Variants in SYCP1 observed in about 807,000 individuals in gnomAD.
The protein encoded by SYCP1 is cancer/testis antigen 8.
A neutral mutation model predicts 153.1 loss-of-function variants in SYCP1; 64 were observed. The observed-to-expected ratio is 0.42, with a 90% CI of 0.34 to 0.51. The LOEUF (loss-of-function observed/expected upper bound fraction) is 0.51, where lower values mean the gene tolerates loss of function less well. Among genes scored for constraint, SYCP1 ranks in the 20% least tolerant of loss-of-function variants. The pLI is 0.06. For synonymous variants in SYCP1, 384 were observed against 341.8 expected (o/e 1.12, Z -1.36); for missense variants, 997 against 1,049.0 (o/e 0.95, Z 0.68).
At chr1:114,988,705 T>C (rs1673704259) in intron 30 of SYCP1, among the ~76,000 whole-genome samples, 1 of 152,082 alleles carries the variant, frequency 6.6e-6, no homozygotes. Context: ...TGAAGCTGTA[T>C]GAATAAATAA....
intron 15 of SYCP1, among the ~76,000 whole-genome samples, chr1:114,891,810 T>A (rs1271639534): frequency 1.3e-5 from 2 of 152,220 alleles, no homozygotes; most frequent in Non-Finnish European, 2.9e-5. Flanking sequence ...TTATTCCTTA[T>A]TTAGCCTTGG....
chr1:114,884,009 T>G (rs1164157106), intron 12 of SYCP1, among the ~76,000 whole-genome samples: 2 of 152,180 alleles, frequency 1.3e-5, no homozygotes, highest in African/African-American at 2.4e-5. Flanking sequence ...CTTTTTCTAT[T>G]TTTTCCCCAC....
intron 16 of SYCP1, among the ~76,000 whole-genome samples, chr1:114,903,142 T>C (rs1667584261): frequency 6.6e-6 from 1 of 152,134 alleles, no homozygotes; most frequent in Non-Finnish European, 1.5e-5. Flanking sequence ...ATTGAACCAC[T>C]GCACTCCAGC....
chr1:114,881,817 A>G (rs1417348565), intron 12 of SYCP1, among the ~76,000 whole-genome samples: 1 of 152,130 alleles, frequency 6.6e-6, no homozygotes, highest in African/African-American at 2.4e-5. Flanking sequence ...TGTTGATTTT[A>G]AGAAGTCAGT....
At chr1:114,885,446 G>A in intron 12 of SYCP1, 89 bp from the exon 13 acceptor site, 1 of 729,462 alleles carries the variant, frequency 1.4e-6, no homozygotes, top group South Asian at 1.8e-5. Flanking sequence ...ATCTAACGGA[G>A]GAAAAAGACT....
chr1:114,917,837 A>G (rs895125372), intron 20 of SYCP1, among the ~76,000 whole-genome samples: 1 of 151,810 alleles, frequency 6.6e-6, no homozygotes, highest in Admixed American at 6.6e-5. Context: ...GGATTATTAG[A>G]CTTATTCCCA....
In SYCP1 at chr1:114,934,313, T is replaced by C. The variant is rs537876111; in HGVS notation, c.1926+7750T>C. On this transcript the variant is annotated intron_variant, in intron 23 of 31. Coordinates refer to ENST00000369522, the MANE Select transcript of SYCP1 (RefSeq NM_003176.4). Reference sequence around the variant, plus strand: ...AATTTCATATCCAGCCAAACTAAACTTCATAAGTGAAGGAGAAATAAAATC... The same window carrying C: ...AATTTCATATCCAGCCAAACTAAACCTCATAAGTGAAGGAGAAATAAAATC... Among the ~76,000 whole-genome samples, 52 of 152,212 alleles carry C rather than the reference T, an allele frequency of 3.4e-4. 1 individual carries two copies. The highest frequency in any genetic ancestry group is 3.9e-4 in the Admixed American group (6 of 15,290).
At chr1:114,876,415 T>C (rs192584376) in intron 10 of SYCP1, among the ~76,000 whole-genome samples, 18 of 152,032 alleles carry the variant, frequency 1.2e-4, no homozygotes, top group Admixed American at 3.3e-4. Flanking sequence ...TATCTTGGTA[T>C]AGTATGCATG....
chr1:114,855,725 C>G (rs1372988815), intron 2 of SYCP1, among the ~76,000 whole-genome samples, 153 bp downstream of exon 2: 1 of 152,180 alleles, frequency 6.6e-6, no homozygotes, highest in Non-Finnish European at 1.5e-5. Context: ...TTTAAATGAA[C>G]AGTGAGCATT....
In SYCP1 at chr1:114,946,686, G is replaced by C. The variant is rs540482613; in HGVS notation, c.2247+305G>C. ...GAGAGAACGAGGAGAGATATACTTTGTGTTGAAGTTTTCTTTAAAGAAAAC... is the reference window on the plus strand; with the variant it reads ...GAGAGAACGAGGAGAGATATACTTTCTGTTGAAGTTTTCTTTAAAGAAAAC... On this transcript the variant is annotated intron_variant, in intron 26 of 31. Coordinates refer to ENST00000369522, the MANE Select transcript of SYCP1 (RefSeq NM_003176.4). Among the ~76,000 whole-genome samples the C allele has an allele frequency of 2.6e-5, 4 of 152,186 alleles. No individual in the cohort carries two copies. The East Asian group carries it at 5.8e-4, about 22-fold the overall frequency.
Position 114,995,060 on chromosome 1 carries a change from A to G in SYCP1, c.*41A>G. On this transcript the variant is annotated 3_prime_UTR_variant, in exon 32 of 32. Coordinates refer to ENST00000369522, the MANE Select transcript of SYCP1 (RefSeq NM_003176.4). ...GTAGTTAAGGAGCCTAATAACGTGA[A>G]ACTTATAGTTAATATTTTGTTCTTA... The G allele has an allele frequency of 6.6e-7, 1 of 1,511,770 alleles. No individual in the cohort carries two copies. The allele number at this position is 1,511,770 out of a possible 1,614,324, so 93.6% of individuals were successfully genotyped here.
chr1:114,859,118 T>C (rs958424764), intron 6 of SYCP1, among the ~76,000 whole-genome samples: 1 of 152,154 alleles, frequency 6.6e-6, no homozygotes, highest in Non-Finnish European at 1.5e-5. Context: ...GACATAGTCT[T>C]GCTCTGTCAC....
Position 114,892,577 on chromosome 1 carries a change from C to T in SYCP1, c.1259-2871C>T, listed in dbSNP as rs543712288. On this transcript the variant is annotated intron_variant, in intron 15 of 31. Coordinates refer to ENST00000369522, the MANE Select transcript of SYCP1 (RefSeq NM_003176.4). ...AGGTAGCTTGTCCTTGGGGTGTTTG[C>T]AAATGTGTGATGGCCCTTCTGCTGG... is the stretch of plus-strand genomic sequence containing the variant. Among the ~76,000 whole-genome samples, 19 of 152,168 alleles carry T rather than the reference C, an allele frequency of 1.2e-4. No homozygotes were observed. The East Asian group carries it at 3.5e-3, about 28-fold the overall frequency.
At chr1:114,902,998 G>T (rs1368057725) in intron 16 of SYCP1, among the ~76,000 whole-genome samples, 1 of 152,022 alleles carries the variant, frequency 6.6e-6, no homozygotes, top group South Asian at 2.1e-4. Context: ...TAGACAGTAT[G>T]GCAAAACCCT....
rs780059716 is a variant in SYCP1, at chr1:114,981,464, C to A, written c.2511C>A (p.Asp837Glu). ...ATGGCATATCCAAAGATAAAAGAGA[C>A]TATCTGTGGACATCTGCCAAAAATA... The part of the protein sequence containing the change: ...VDHGISKDKR[D>E]YLWTSAKNTL... The change falls in exon 29 of 32, where the codon GAC (aspartate) becomes GAA (glutamate). Residue 837 changes from aspartate to glutamate, a missense_variant. Physicochemically the swap from Asp to Glu is conservative, Grantham distance 45. This residue lies in a region of SYCP1 where 712 missense variants were observed against 682.9 expected (regional missense o/e 1.04). Transcript: ENST00000369522. 6.2e-7 allele frequency: 1 copy of A among 1,606,834 alleles called. No homozygotes were observed. The highest frequency in any genetic ancestry group is 1.1e-5 in the South Asian group (1 of 88,822).
chr1:114,910,512 G>T lies in SYCP1; in HGVS notation c.1425+11G>T. 1 of 1,471,114 alleles carries T rather than the reference G, an allele frequency of 6.8e-7. No individual in the cohort carries two copies. Among genetic ancestry groups the T allele is most frequent in the South Asian group, 1.4e-5 (1 of 70,200 alleles). 91.1% of individuals were successfully genotyped at this position (1,471,114 alleles called of 1,614,324 possible). ...CTCCAAGCCAGAGAGGTTTGTTTAA[G>T]GAAACATTTTTATTTTAAATATTTT... On this transcript the variant is annotated intron_variant, in intron 17 of 31. Transcript: ENST00000369522.
chr1:114,865,879 C>G (rs1243049938), intron 8 of SYCP1, among the ~76,000 whole-genome samples: 1 of 152,220 alleles, frequency 6.6e-6, no homozygotes, highest in Non-Finnish European at 1.5e-5. Context: ...GATCTTTTAA[C>G]TGTCTCCATA....
chr1:114,975,603 A>G (rs997666832), intron 27 of SYCP1, among the ~76,000 whole-genome samples: 25 of 151,786 alleles, frequency 1.6e-4, no homozygotes, highest in Admixed American at 1.6e-3. Flanking sequence ...CATCTTTTAT[A>G]TGCAACTTTT....
intron 21 of SYCP1, chr1:114,923,754 G>A (rs1023939387): frequency 3.4e-5 from 10 of 296,726 alleles, no homozygotes; most frequent in East Asian, 1.6e-4. Flanking sequence ...TTCTTTTAAC[G>A]TGTTAAATAT....
Sources: allele counts gnomAD v4.1 joint callset (sites outside exome capture counted in the v4.1 genomes callset), GRCh38; gene constraint gnomAD v4.1.1; regional missense constraint gnomAD v4.1.1; transcripts MANE v1.5; gene names NCBI Gene and HGNC (gene_info 2026-07-23, HGNC 2026-07-21).